Variants in NRIP1 observed in about 807,000 individuals in gnomAD.
NRIP1 encodes the protein nuclear receptor-interacting protein 1.
NRIP1 carries 28 observed loss-of-function variants against 75.0 expected under a neutral mutation model. The ratio of observed to expected loss-of-function variants is 0.37; its 90% CI spans 0.28 to 0.51. The LOEUF (loss-of-function observed/expected upper bound fraction) is 0.51, where lower values mean the gene tolerates loss of function less well. NRIP1 is among the 20% of genes least tolerant of loss of function. The pLI, the probability that NRIP1 is intolerant of heterozygous loss-of-function variation, is 0.92. For missense variants in NRIP1, 1,435 were observed against 1,343.7 expected, an observed-to-expected ratio of 1.07 and a Z score of -1.06; for synonymous variants, 526 against 487.6, an observed-to-expected ratio of 1.08 and a Z score of -1.04.
chr21:15,010,563 T>A (rs2088078481), intron 3 of NRIP1, among the ~76,000 whole-genome samples: 1 of 152,186 alleles, frequency 6.6e-6, no homozygotes, highest in African/African-American at 2.4e-5. Context: ...AGATACCAAA[T>A]TAAAAAAATG....
At chr21:14,991,346 T>C (rs2087566710) in intron 3 of NRIP1, 1 of 150,748 alleles carries the variant, frequency 6.6e-6, no homozygotes, top group African/African-American at 2.4e-5. Context: ...CTAGGTGTTA[T>C]TTTCTCTTTG....
intron 3 of NRIP1, among the ~76,000 whole-genome samples, chr21:15,000,260 T>C (rs540947812): frequency 4.3e-4 from 66 of 152,242 alleles, no homozygotes; most frequent in Non-Finnish European, 8.1e-4. Flanking sequence ...ACTGCACAGA[T>C]TGAAACCACA....
At chr21:15,062,254 T>G (rs2147436567) in intron 1 of NRIP1, among the ~76,000 whole-genome samples, 1 of 152,352 alleles carries the variant, frequency 6.6e-6, no homozygotes, top group African/African-American at 2.4e-5. Context: ...CAAAACAGAT[T>G]ATCACTTTAA....
intron 3 of NRIP1, among the ~76,000 whole-genome samples, chr21:15,006,579 GAGTATTTAGTGTA>G (rs2087977997): frequency 6.6e-6 from 1 of 152,160 alleles, no homozygotes; most frequent in Admixed American, 6.5e-5. Context: ...TAGTTCTAAA[GAGTATTTAGTGTA>G]AGTATTTAGT....
At chr21:14,980,089 T>C (rs1360758989) in intron 3 of NRIP1, among the ~76,000 whole-genome samples, 1 of 152,216 alleles carries the variant, frequency 6.6e-6, no homozygotes, top group Non-Finnish European at 1.5e-5. Flanking sequence ...TTTTATAATT[T>C]ATCCATAGTC....
chr21:14,968,077 T>A lies in NRIP1; in HGVS notation c.116A>T (p.Lys39Ile), dbSNP rs762506233. Residue 39 changes from lysine (K) to isoleucine (I), a missense_variant, in exon 4 of 4, where the codon AAA becomes ATA. Transcript: ENST00000318948. ...AAGGSGTAVD[K>I]KSAGHNEEDQ... The stretch of plus-strand genomic sequence containing the variant: ...CTCTTCATTATGCCCAGCAGACTTT[T>A]TGTCAACGGCAGTACCTGATCCCCC... 2 of 1,614,070 alleles carry A rather than the reference T, an allele frequency of 1.2e-6. No individual in the cohort carries two copies. Among genetic ancestry groups the A allele is most frequent in the Non-Finnish European group, 1.7e-6 (2 of 1,180,008 alleles).
chr21:15,019,470 C>CTTTTTTTTTTTTT lies in NRIP1; in HGVS notation c.-457-5017_-457-5005dup, dbSNP rs539278321. Among the ~76,000 whole-genome samples the CTTTTTTTTTTTTT allele has an allele frequency of 2.3e-4, 9 of 38,696 alleles. 4 individuals carry two copies. In the East Asian group the frequency reaches 6.4e-3, roughly 28 times the overall value. The allele number at this position is 38,696 out of a possible 152,430, so 25.4% of individuals were successfully genotyped here. On this transcript the variant is annotated intron_variant, in intron 2 of 3. Coordinates refer to ENST00000318948, the MANE Select transcript of NRIP1 (RefSeq NM_003489.4). Reference sequence around the variant, plus strand: ...ACAAGATCCACAAACAACTGCATTTCTTTTTTTTTTTTTTTTTTTTTTTTT... The same window carrying CTTTTTTTTTTTTT: ...ACAAGATCCACAAACAACTGCATTTCTTTTTTTTTTTTTTTTTTTTTTTTTTTTTTTTTTTTTT...
At chr21:15,036,250 C>A (rs2088830625) in intron 2 of NRIP1, among the ~76,000 whole-genome samples, 1 of 152,076 alleles carries the variant, frequency 6.6e-6, no homozygotes, top group Non-Finnish European at 1.5e-5. Context: ...ATCTAGATGG[C>A]CAATAAAGTT....
At chr21:15,032,992 G>A (rs911471688) in intron 2 of NRIP1, among the ~76,000 whole-genome samples, 25 of 152,150 alleles carry the variant, frequency 1.6e-4, no homozygotes, top group African/African-American at 6.0e-4. Flanking sequence ...TCGGGAGGCC[G>A]AGGTGGGTGG....
chr21:14,965,480 T>C lies in NRIP1; in HGVS notation c.2713A>G (p.Asn905Asp). 1 of 1,613,936 alleles carries C rather than the reference T, an allele frequency of 6.2e-7. No individual in the cohort carries two copies. The highest frequency in any genetic ancestry group is 8.5e-7 in the Non-Finnish European group (1 of 1,179,938). ...GCAGGATATTTAAATTCAAGATCAT[T>C]TCTGCTAAATTTCAGCTCTTCCTGG... ...LNQEELKFSR[N>D]DLEFKYPAGH... The change falls in exon 4 of 4, where the codon AAT becomes GAT. Residue 905 changes from asparagine (N) to aspartate (D), a missense_variant. By Grantham distance (23) the Asn-to-Asp change is conservative (BLOSUM62 1). Transcript: ENST00000318948.
intron 1 of NRIP1, chr21:15,050,726 C>T (rs1017912178): frequency 2.6e-5 from 12 of 456,024 alleles, no homozygotes; most frequent in Non-Finnish European, 4.4e-5. Context: ...GTTTTGACTC[C>T]TTTCTGGCTG....
At chr21:15,017,251 T>G (rs937259383) in intron 2 of NRIP1, among the ~76,000 whole-genome samples, 1 of 152,120 alleles carries the variant, frequency 6.6e-6, no homozygotes, top group Non-Finnish European at 1.5e-5. Flanking sequence ...GAGACGAGGA[T>G]CTCGCTATGT....
intron 2 of NRIP1, among the ~76,000 whole-genome samples, chr21:15,042,513 A>G (rs1229532814): frequency 6.6e-6 from 1 of 152,206 alleles, no homozygotes; most frequent in African/African-American, 2.4e-5. Context: ...AATTGAAACC[A>G]TATTTGCAAT....
At chr21:14,968,939 C>T (rs1327946473) in intron 3 of NRIP1, among the ~76,000 whole-genome samples, 1 of 152,068 alleles carries the variant, frequency 6.6e-6, no homozygotes, top group East Asian at 1.9e-4. Context: ...TAGGAAGAAA[C>T]AAAAGTAGAT....
chr21:14,984,818 G>T (rs148665155), intron 3 of NRIP1, among the ~76,000 whole-genome samples: 1 of 152,188 alleles, frequency 6.6e-6, no homozygotes, highest in Non-Finnish European at 1.5e-5. Flanking sequence ...TCAACATGGA[G>T]GCAAGGCCTC....
chr21:15,004,011 T>C (rs761982768), intron 3 of NRIP1, among the ~76,000 whole-genome samples: 30 of 152,194 alleles, frequency 2.0e-4, no homozygotes, highest in Non-Finnish European at 2.9e-4. Flanking sequence ...TATTTTCTTT[T>C]TGCAAACCTG....
intron 3 of NRIP1, among the ~76,000 whole-genome samples, chr21:14,976,319 T>C (rs1568950558): frequency 6.6e-6 from 1 of 152,168 alleles, no homozygotes; most frequent in Non-Finnish European, 1.5e-5. Context: ...AAAAATTCCA[T>C]GGAATCTTCA....
At chr21:14,994,539 G>T (rs2087667796) in intron 3 of NRIP1, among the ~76,000 whole-genome samples, 1 of 152,108 alleles carries the variant, frequency 6.6e-6, no homozygotes, top group Non-Finnish European at 1.5e-5. Flanking sequence ...ATATGACATG[G>T]ATCAACTTTA....
chr21:15,059,768 T>C (rs931893643), intron 1 of NRIP1, among the ~76,000 whole-genome samples: 1 of 152,166 alleles, frequency 6.6e-6, no homozygotes, highest in African/African-American at 2.4e-5. Flanking sequence ...AGGATCCTTT[T>C]TTTCATAACC....
Sources: gnomAD v4.1 joint callset for allele counts (sites outside exome capture counted in the v4.1 genomes callset) on GRCh38, gnomAD v4.1.1 for gene constraint, MANE v1.5 for transcripts, NCBI Gene and HGNC (gene_info 2026-07-23, HGNC 2026-07-21) for gene names.